The following CNNM2 variants were observed in gnomAD, a reference collection of about 807,000 sequenced individuals.
CNNM2 encodes cyclin and CBS domain divalent metal cation transport mediator 2, also known as metal transporter CNNM2.
A neutral mutation model predicts 66.9 loss-of-function variants in CNNM2; 12 were observed. The observed-to-expected ratio is 0.18, with a 90% CI of 0.11 to 0.29. The LOEUF (loss-of-function observed/expected upper bound fraction) is 0.29. Ranked by LOEUF, CNNM2 falls within the 10% of genes least tolerant of loss-of-function variation. The pLI, the probability that CNNM2 is intolerant of heterozygous loss-of-function variation, is 1.00. For missense variants in CNNM2, 705 were observed against 1,167.7 expected (o/e 0.60, Z 5.77); for synonymous variants, 557 against 501.8 (o/e 1.11, Z -1.47).
chr10:103,016,271 T>A (rs1183848861), intron 1 of CNNM2, among the ~76,000 whole-genome samples: 3 of 152,180 alleles, frequency 2.0e-5, no homozygotes, highest in Admixed American at 6.5e-5. Context: ...ACTGATACGG[T>A]TCTCTAGTGA....
chr10:103,013,877 G>C (rs2064391949), intron 1 of CNNM2, among the ~76,000 whole-genome samples: 1 of 152,190 alleles, frequency 6.6e-6, no homozygotes. Context: ...TGGAGGGACA[G>C]CTCAAATTCT....
intron 3 of CNNM2, among the ~76,000 whole-genome samples, chr10:103,055,036 C>T (rs1412104369): frequency 2.0e-5 from 3 of 152,156 alleles, no homozygotes; most frequent in Admixed American, 6.5e-5. Flanking sequence ...TGATGGCCTC[C>T]TCAGATCAGA....
chr10:102,967,761 C>A (rs2063487172), intron 1 of CNNM2, among the ~76,000 whole-genome samples: 2 of 152,234 alleles, frequency 1.3e-5, no homozygotes, highest in South Asian at 4.1e-4. Flanking sequence ...GTAATCCCAG[C>A]ACTTTGGGGG....
chr10:102,953,266 T>G (rs1846906868), intron 1 of CNNM2, among the ~76,000 whole-genome samples: 1 of 152,176 alleles, frequency 6.6e-6, no homozygotes, highest in African/African-American at 2.4e-5. Flanking sequence ...CTTCATTTAT[T>G]TATTTATTGA....
intron 1 of CNNM2, among the ~76,000 whole-genome samples, chr10:103,005,820 C>T (rs958452359): frequency 2.0e-5 from 3 of 151,944 alleles, no homozygotes; most frequent in African/African-American, 4.8e-5. Flanking sequence ...CCTTGATCTC[C>T]TAGTCTCCAA....
chr10:103,017,703 C>T (rs181394816), intron 1 of CNNM2, among the ~76,000 whole-genome samples: 1 of 152,138 alleles, frequency 6.6e-6, no homozygotes, highest in Non-Finnish European at 1.5e-5. Flanking sequence ...CAGTGACTCA[C>T]ACCTGTAATC....
rs567935299 is a variant in CNNM2, at chr10:102,944,183, A to G, written c.1621+24082A>G. Among the ~76,000 whole-genome samples the G allele has an allele frequency of 1.2e-4, 18 of 150,960 alleles. No homozygotes were observed. The South Asian group carries it at 1.5e-3, about 12-fold the overall frequency. On this transcript the variant is annotated intron_variant, in intron 1 of 7. Transcript: ENST00000369878. The stretch of plus-strand genomic sequence containing the variant: ...AGTCTCCGCCTCCTGGGTTCAAGCA[A>G]TTCTCCTGTCTCAGCCCCCCGAGTA...
At chr10:102,980,616 T>G (rs1283179547) in intron 1 of CNNM2, among the ~76,000 whole-genome samples, 1 of 152,114 alleles carries the variant, frequency 6.6e-6, no homozygotes, top group African/African-American at 2.4e-5. Context: ...GATAAGGACT[T>G]TCCTTTTCTG....
intron 1 of CNNM2, among the ~76,000 whole-genome samples, chr10:102,974,175 G>A (rs752051099): frequency 4.6e-5 from 7 of 152,230 alleles, no homozygotes; most frequent in Non-Finnish European, 7.3e-5. Context: ...GAGGGGATGT[G>A]TGGGGTGTAG....
chr10:103,061,352 C>T (rs2065383144), intron 4 of CNNM2, among the ~76,000 whole-genome samples: 1 of 152,046 alleles, frequency 6.6e-6, no homozygotes, highest in Admixed American at 6.6e-5. Context: ...GAGATCGCGC[C>T]ACTGCTCCAG....
At chr10:103,017,557 T>TG (rs944553143) in intron 1 of CNNM2, among the ~76,000 whole-genome samples, 1 of 151,828 alleles carries the variant, frequency 6.6e-6, no homozygotes, top group Non-Finnish European at 1.5e-5. Flanking sequence ...CTGAATGAAG[T>TG]GGGGGATAAT....
intron 7 of CNNM2, among the ~76,000 whole-genome samples, chr10:103,076,640 A>G (rs1403982150): frequency 3.3e-5 from 5 of 152,160 alleles, no homozygotes. Context: ...GGAAGGCTCC[A>G]CCTCTGTCTT....
rs376861078 is a variant in CNNM2 at position 102,926,712 on chromosome 10, A to ATTTT, written c.1621+6629_1621+6632dup. ...AGGCGTGTGCCACCACACCCAGCTA[A>ATTTT]TTTTTTTTTTTTTTTTTTTTTGAGA... On this transcript the variant is annotated intron_variant, in intron 1 of 7. Coordinates refer to ENST00000369878, the MANE Select transcript of CNNM2 (RefSeq NM_017649.5). Among the ~76,000 whole-genome samples, 309 of 113,756 alleles carry ATTTT rather than the reference A, an allele frequency of 2.7e-3. 13 individuals carry two copies. The highest frequency in any genetic ancestry group is 6.7e-3 in the African/African-American group (194 of 29,016). 74.6% of individuals were successfully genotyped at this position (113,756 alleles called of 152,430 possible).
chr10:102,938,619 C>CAAAAAA (rs10596673), intron 1 of CNNM2, among the ~76,000 whole-genome samples: 4 of 63,674 alleles, frequency 6.3e-5, no homozygotes, highest in Non-Finnish European at 5.5e-5. Flanking sequence ...GACCCTGTCT[C>CAAAAAA]AAAAAAAAAA....
intron 3 of CNNM2, among the ~76,000 whole-genome samples, chr10:103,055,986 G>A (rs1260589706): frequency 1.3e-5 from 2 of 151,924 alleles, no homozygotes. Flanking sequence ...TACTCGGGAG[G>A]CTGAGGCAGA....
chr10:102,938,662 T>C (rs1846327600), intron 1 of CNNM2, among the ~76,000 whole-genome samples: 1 of 151,050 alleles, frequency 6.6e-6, no homozygotes, highest in Non-Finnish European at 1.5e-5. Flanking sequence ...CCTCTACTCC[T>C]TTAGCCAACT....
In CNNM2 at chr10:102,969,695, A is replaced by G. The variant is rs534662227; in HGVS notation, c.1621+49594A>G. Among the ~76,000 whole-genome samples, 4 of 151,846 alleles carry G rather than the reference A, an allele frequency of 2.6e-5. No homozygotes were observed. In the East Asian group the frequency reaches 7.8e-4, roughly 30 times the overall value. On this transcript the variant is annotated intron_variant, in intron 1 of 7. Coordinates refer to ENST00000369878, the MANE Select transcript of CNNM2 (RefSeq NM_017649.5). ...TTTTGCTCTTTGTTGCCCAGGCTGG[A>G]GTGCAGTGTTGCGATCTCAGCTCAC... is the stretch of plus-strand genomic sequence containing the variant.
At chr10:102,945,568 G>A (rs1299958247) in intron 1 of CNNM2, among the ~76,000 whole-genome samples, 2 of 151,600 alleles carry the variant, frequency 1.3e-5, no homozygotes, top group African/African-American at 4.9e-5. Context: ...GCGCCCCACA[G>A]TGTCCTTTAC....
intron 1 of CNNM2, among the ~76,000 whole-genome samples, chr10:102,985,427 G>A (rs1270895241): frequency 6.6e-6 from 1 of 152,130 alleles, no homozygotes; most frequent in African/African-American, 2.4e-5. Flanking sequence ...TGAGAACTCT[G>A]AAAGCTTCTT....
Sources: gnomAD v4.1 joint callset for allele counts (sites outside exome capture counted in the v4.1 genomes callset) on GRCh38, gnomAD v4.1.1 for gene constraint, MANE v1.5 for transcripts, NCBI Gene and HGNC (gene_info 2026-07-23, HGNC 2026-07-21) for gene names.